Variants in NFIB observed in about 807,000 individuals in gnomAD.
NFIB encodes the protein nuclear factor I B, also known as nuclear factor 1 B-type.
Under a neutral mutation model 61.5 loss-of-function variants are expected in NFIB, and 11 were observed. That is an observed-to-expected ratio of 0.18 (90% CI 0.11 to 0.30). The LOEUF (loss-of-function observed/expected upper bound fraction) is 0.30, where lower values mean the gene tolerates loss of function less well. Ranked by LOEUF, NFIB falls within the 10% of genes least tolerant of loss-of-function variation. The pLI is 1.00. For missense variants in NFIB, 471 were observed against 608.9 expected (o/e 0.77, Z 2.38); for synonymous variants, 260 against 216.5 (o/e 1.20, Z -1.76).
the NFIB span, among the ~76,000 whole-genome samples, chr9:14,450,459 T>A: frequency 6.6e-6 from 1 of 152,204 alleles, no homozygotes; most frequent in Non-Finnish European, 1.5e-5. Context: ...AAGTCTATTA[T>A]CCTGTCTTCA....
At chr9:14,122,626 T>G (rs780403207) in intron 7 of NFIB, among the ~76,000 whole-genome samples, 1 of 152,214 alleles carries the variant, frequency 6.6e-6, no homozygotes, top group South Asian at 2.1e-4. Flanking sequence ...AAACTGGGCA[T>G]CTTTTACTTA....
the NFIB span, among the ~76,000 whole-genome samples, chr9:14,459,969 A>G: frequency 6.6e-6 from 1 of 152,112 alleles, no homozygotes; most frequent in Non-Finnish European, 1.5e-5. Flanking sequence ...GCGATTCCTC[A>G]GGGATCTAGA....
chr9:14,378,925 T>G (rs2061451848), intron 1 of NFIB, among the ~76,000 whole-genome samples: 1 of 152,152 alleles, frequency 6.6e-6, no homozygotes, highest in Non-Finnish European at 1.5e-5. Context: ...TGTGAAAAAT[T>G]TTTAAAGTTC....
chr9:14,461,828 GAT>G, the NFIB span, among the ~76,000 whole-genome samples: 1 of 152,216 alleles, frequency 6.6e-6, no homozygotes, highest in Non-Finnish European at 1.5e-5. Flanking sequence ...GGTGCTCTAG[GAT>G]CACTGGAGCA....
chr9:14,091,968 A>G (rs1449322658), intron 10 of NFIB, among the ~76,000 whole-genome samples: 2 of 152,008 alleles, frequency 1.3e-5, no homozygotes, highest in Admixed American at 6.6e-5. Flanking sequence ...CATGGATACT[A>G]TTTTCTTGCT....
chr9:14,258,299 G>A (rs1439696098), intron 2 of NFIB, among the ~76,000 whole-genome samples: 4 of 152,238 alleles, frequency 2.6e-5, no homozygotes, highest in African/African-American at 9.6e-5. Flanking sequence ...TCAGGATTAT[G>A]CTGAATAATT....
chr9:14,221,131 C>T (rs2051617509), intron 2 of NFIB, among the ~76,000 whole-genome samples: 1 of 152,182 alleles, frequency 6.6e-6, no homozygotes, highest in South Asian at 2.1e-4. Flanking sequence ...CCACATTTCA[C>T]TTGAAATTCA....
intron 1 of NFIB, among the ~76,000 whole-genome samples, chr9:14,396,685 A>G (rs182001685): frequency 1.9e-4 from 29 of 152,340 alleles, no homozygotes; most frequent in African/African-American, 6.3e-4. Flanking sequence ...AGTGGAGACG[A>G]AAGGAGAAAT....
intron 2 of NFIB, among the ~76,000 whole-genome samples, chr9:14,227,725 A>G (rs1477374998): frequency 1.3e-5 from 2 of 152,206 alleles, no homozygotes; most frequent in African/African-American, 4.8e-5. Flanking sequence ...AATTCTCAAT[A>G]CAAATCATCA....
chr9:14,273,274 T>C (rs1024174199), intron 2 of NFIB, among the ~76,000 whole-genome samples: 1 of 152,186 alleles, frequency 6.6e-6, no homozygotes, highest in African/African-American at 2.4e-5. Context: ...TAACTCTACA[T>C]GTCAAACTAC....
chr9:14,365,790 G>A (rs1041755777), intron 1 of NFIB, among the ~76,000 whole-genome samples: 6 of 152,174 alleles, frequency 3.9e-5, no homozygotes, highest in East Asian at 1.9e-4. Flanking sequence ...CAGACATGAG[G>A]CAGGAGGGAG....
chr9:14,379,504 C>G (rs866586341), intron 1 of NFIB, among the ~76,000 whole-genome samples: 2 of 152,028 alleles, frequency 1.3e-5, no homozygotes, highest in Non-Finnish European at 2.9e-5. Flanking sequence ...GCTATTTTAA[C>G]GAAAATAAGA....
At chr9:14,196,233 C>T (rs995934405) in intron 2 of NFIB, among the ~76,000 whole-genome samples, 1 of 152,266 alleles carries the variant, frequency 6.6e-6, no homozygotes, top group South Asian at 2.1e-4. Context: ...TCCCATGAGG[C>T]ACTCAGGGAG....
At chr9:14,246,756 G>C (rs79957643) in intron 2 of NFIB, among the ~76,000 whole-genome samples, 1,816 of 152,272 alleles carry the variant, frequency 0.012, 42 homozygotes, top group African/African-American at 0.042. Context: ...CAAGGTATAT[G>C]TGTGGTTCAC....
chr9:14,186,416 TA>T (rs1409625000), intron 2 of NFIB, among the ~76,000 whole-genome samples: 1 of 152,154 alleles, frequency 6.6e-6, no homozygotes, highest in Non-Finnish European at 1.5e-5. Context: ...TCTTTCTCTC[TA>T]AAACATTATT....
the NFIB span, among the ~76,000 whole-genome samples, chr9:14,458,469 C>T: frequency 6.6e-6 from 1 of 152,166 alleles, no homozygotes; most frequent in African/African-American, 2.4e-5. Flanking sequence ...GACAGGGATG[C>T]CCTCTCTCAC....
rs2060387782 is a variant in NFIB, at chr9:14,313,453, A to G, written c.30+29T>C. 3.7e-6 allele frequency: 6 copies of G among 1,613,504 alleles called. No homozygotes were observed. The highest frequency in any genetic ancestry group is 3.3e-5 in the South Asian group (3 of 91,036). ...ACAAAGGCATTTCGGGCCAGAGAGA[A>G]AGCTCGAGAAAGCGACCGAGACATG... On this transcript the variant is annotated intron_variant, in intron 1 of 10. Transcript: ENST00000380953. This position sits in a 1 kb window ranked among gnomAD's most constrained non-coding sequence, Gnocchi z 4.5.
At chr9:14,499,338 G>GC in the NFIB span, among the ~76,000 whole-genome samples, 1 of 152,116 alleles carries the variant, frequency 6.6e-6, no homozygotes, top group Admixed American at 6.5e-5. Flanking sequence ...GAGAAAAAGA[G>GC]CTTCTTCAGT....
chr9:14,138,699 G>A (rs2041346380), intron 6 of NFIB, among the ~76,000 whole-genome samples: 1 of 152,114 alleles, frequency 6.6e-6, no homozygotes, highest in Non-Finnish European at 1.5e-5. Flanking sequence ...TTGAAGCTGT[G>A]TGACAGTACA....
Sources: gnomAD v4.1 joint callset for allele counts (sites outside exome capture counted in the v4.1 genomes callset) on GRCh38, gnomAD v4.1.1 for gene constraint, Gnocchi (gnomAD v3.1) non-coding constraint, MANE v1.5 for transcripts, NCBI Gene and HGNC (gene_info 2026-07-23, HGNC 2026-07-21) for gene names.